The following FBN2 variants were observed in gnomAD, a reference collection of about 807,000 sequenced individuals.
The protein encoded by FBN2 is fibrillin-2.
A neutral mutation model predicts 355.6 loss-of-function variants in FBN2; 105 were observed. The ratio of observed to expected loss-of-function variants is 0.30; its 90% CI spans 0.25 to 0.35. The LOEUF is 0.35. Ranked by LOEUF, FBN2 falls within the 10% of genes least tolerant of loss-of-function variation. The probability of loss-of-function intolerance (pLI) is 1.00; values close to 1 mark genes in which losing one functional copy is unlikely to be tolerated. For missense variants in FBN2, 3,280 were observed against 3,758.7 expected (o/e 0.87, Z 3.33); for synonymous variants, 1,350 against 1,301.2 (o/e 1.04, Z -0.81).
intron 5 of FBN2, among the ~76,000 whole-genome samples, chr5:128,482,640 A>T (rs950477908): frequency 1.3e-5 from 2 of 152,106 alleles, no homozygotes; most frequent in Admixed American, 1.3e-4. Context: ...TTAGAGTTTT[A>T]AAATTGATAT....
At chr5:128,383,365 C>T (rs1752285247) in intron 11 of FBN2, among the ~76,000 whole-genome samples, 1 of 151,988 alleles carries the variant, frequency 6.6e-6, no homozygotes, top group South Asian at 2.1e-4. Context: ...TAGATAACTT[C>T]TAGAAGCAAA....
At chr5:128,430,773 G>A (rs1753598676) in intron 7 of FBN2, among the ~76,000 whole-genome samples, 2 of 151,076 alleles carry the variant, frequency 1.3e-5, no homozygotes, top group Admixed American at 1.3e-4. Flanking sequence ...GAGCCTGGGA[G>A]GCGGAGGCTG....
intron 8 of FBN2, among the ~76,000 whole-genome samples, chr5:128,405,639 A>C (rs1392849828): frequency 6.6e-6 from 1 of 152,224 alleles, no homozygotes; most frequent in Non-Finnish European, 1.5e-5. Context: ...TTGAAATGTA[A>C]GTGAGTAAAT....
chr5:128,290,012 G>A (rs1009805531), intron 50 of FBN2, 65 bp from the exon 51 acceptor site: 5 of 911,082 alleles, frequency 5.5e-6, no homozygotes, highest in East Asian at 2.5e-5. Flanking sequence ...CTTAAGAAAG[G>A]ATGAACAATA....
At chr5:128,301,865 T>C (rs1287807635) in intron 46 of FBN2, among the ~76,000 whole-genome samples, 1 of 152,222 alleles carries the variant, frequency 6.6e-6, no homozygotes, top group East Asian at 1.9e-4. Flanking sequence ...TTTAATCTGA[T>C]TGCCTAATTT....
rs185255636 is a variant in FBN2 at position 128,355,492 on chromosome 5, A to C, written c.2674+1784T>G. 9.8e-5 allele frequency among the ~76,000 whole-genome samples: 15 copies of C among 152,338 alleles called. No individual in the cohort carries two copies. The East Asian group carries it at 2.7e-3, about 27-fold the overall frequency. Reference sequence around the variant, plus strand: ...ATAGATTCTAAATCTTTAAATATTCATAGTATCCAACTAATTCATATATAA... The same window carrying C: ...ATAGATTCTAAATCTTTAAATATTCCTAGTATCCAACTAATTCATATATAA... On this transcript the variant is annotated intron_variant, in intron 20 of 64. Coordinates refer to ENST00000262464, the MANE Select transcript of FBN2 (RefSeq NM_001999.4).
intron 55 of FBN2, among the ~76,000 whole-genome samples, chr5:128,284,057 G>T (rs1749066091): frequency 6.6e-6 from 1 of 152,082 alleles, no homozygotes; most frequent in African/African-American, 2.4e-5. Flanking sequence ...TCACCTAAAT[G>T]AAACCCTTGT....
At chr5:128,277,634 C>G (rs1765428555) in intron 58 of FBN2, among the ~76,000 whole-genome samples, 1 of 152,118 alleles carries the variant, frequency 6.6e-6, no homozygotes, top group Admixed American at 6.5e-5. Flanking sequence ...CTGTTTTTGA[C>G]ACATGGATGT....
intron 7 of FBN2, among the ~76,000 whole-genome samples, chr5:128,437,522 TG>T (rs1396931468): frequency 6.6e-6 from 1 of 152,180 alleles, no homozygotes; most frequent in Non-Finnish European, 1.5e-5. Context: ...GATGGTTATA[TG>T]GGGGCCTCAT....
At chr5:128,375,477 C>A (rs1475809613) in intron 14 of FBN2, among the ~76,000 whole-genome samples, 4 of 152,116 alleles carry the variant, frequency 2.6e-5, no homozygotes, top group Non-Finnish European at 5.9e-5. Context: ...TCAGCTAACC[C>A]TGAGATGACA....
At chr5:128,359,796 C>A (rs770535702) in intron 19 of FBN2, among the ~76,000 whole-genome samples, 4 of 152,062 alleles carry the variant, frequency 2.6e-5, no homozygotes, top group Non-Finnish European at 4.4e-5. Context: ...CCACCAGCTC[C>A]TACTCTTAAC....
chr5:128,351,698 T>C (rs1289349946), intron 20 of FBN2, among the ~76,000 whole-genome samples: 1 of 152,122 alleles, frequency 6.6e-6, no homozygotes, highest in Non-Finnish European at 1.5e-5. Context: ...ATTATATCTA[T>C]TGATATTCTA....
chr5:128,406,421 G>A (rs1416618396), intron 8 of FBN2, among the ~76,000 whole-genome samples: 2 of 152,174 alleles, frequency 1.3e-5, no homozygotes, highest in Non-Finnish European at 2.9e-5. Flanking sequence ...AGCAACCTCA[G>A]CATACGATTT....
At chr5:128,522,488 A>G (rs973294562) in intron 4 of FBN2, among the ~76,000 whole-genome samples, 2 of 152,184 alleles carry the variant, frequency 1.3e-5, no homozygotes, top group African/African-American at 2.4e-5. Flanking sequence ...ATAAAATAGC[A>G]TATAAGACAA....
At chr5:128,370,019 C>T (rs934208036) in intron 15 of FBN2, among the ~76,000 whole-genome samples, 7 of 152,164 alleles carry the variant, frequency 4.6e-5, no homozygotes, top group African/African-American at 1.7e-4. Context: ...AGGTTCACAG[C>T]TACCTATGTA....
intron 7 of FBN2, among the ~76,000 whole-genome samples, chr5:128,411,353 C>G (rs1753056412): frequency 6.6e-6 from 1 of 152,178 alleles, no homozygotes; most frequent in Non-Finnish European, 1.5e-5. Flanking sequence ...CAGGGAGAAT[C>G]AGGTCACGTG....
intron 6 of FBN2, among the ~76,000 whole-genome samples, chr5:128,454,215 T>C (rs1303645377): frequency 1.3e-5 from 2 of 152,240 alleles, no homozygotes; most frequent in African/African-American, 4.8e-5. Flanking sequence ...TGCTCATCAC[T>C]GGTTTTGTTC....
intron 15 of FBN2, among the ~76,000 whole-genome samples, chr5:128,374,149 T>C (rs575837585): frequency 6.6e-6 from 1 of 152,280 alleles, no homozygotes; most frequent in Admixed American, 6.5e-5. Flanking sequence ...ATCAGAGCCT[T>C]CTGTAGGTTC....
Position 128,259,726 on chromosome 5 carries a change from G to A in FBN2, c.8468C>T (p.Pro2823Leu). The change falls in exon 65 of 65, where the codon CCC (proline) becomes CTC (leucine). Residue 2823 changes from proline (P) to leucine (L), a missense_variant. Pro to Leu is a moderately conservative substitution (Grantham distance 98). Transcript: ENST00000262464. Reference protein sequence around the residue: ...GSKEHILELRPAIQPLNNHIR... With the variant: ...GSKEHILELRLAIQPLNNHIR... ...GTGGTTGTTGAGGGGCTGGATGGCG[G>A]GCCTTAGTTCCAGGATGTGCTCCTT... 1.2e-6 allele frequency: 2 copies of A among 1,613,898 alleles called. No individual in the cohort carries two copies. The highest frequency in any genetic ancestry group is 1.7e-6 in the Non-Finnish European group (2 of 1,179,918).
Sources: gnomAD v4.1 joint callset for allele counts (sites outside exome capture counted in the v4.1 genomes callset) on GRCh38, gnomAD v4.1.1 for gene constraint, MANE v1.5 for transcripts, NCBI Gene and HGNC (gene_info 2026-07-23, HGNC 2026-07-21) for gene names.